The following DMXL2 variants were observed in gnomAD, a reference collection of about 807,000 sequenced individuals.
DMXL2 encodes the protein Dmx like 2, also known as dmX-like protein 2.
A neutral mutation model predicts 331.1 loss-of-function variants in DMXL2; 103 were observed. The ratio of observed to expected loss-of-function variants is 0.31; its 90% CI spans 0.27 to 0.37. DMXL2 has a LOEUF of 0.37. Among genes scored for constraint, DMXL2 ranks in the 10% least tolerant of loss-of-function variants. The probability of loss-of-function intolerance (pLI) is 1.00; values close to 1 mark genes in which losing one functional copy is unlikely to be tolerated. For synonymous variants in DMXL2, 1,281 were observed against 1,252.1 expected (o/e 1.02, Z -0.49); for missense variants, 3,171 against 3,642.9 (o/e 0.87, Z 3.33).
At chr15:51,459,711 T>A (rs1039858379) in intron 33 of DMXL2, 51 bp from the exon 34 acceptor site, 20 of 1,284,802 alleles carry the variant, frequency 1.6e-5, no homozygotes, top group Non-Finnish European at 2.0e-5. Flanking sequence ...TGGAATGAAA[T>A]TATAAAGACA....
chr15:51,561,362 G>A (rs1318187564), intron 6 of DMXL2, among the ~76,000 whole-genome samples: 1 of 152,190 alleles, frequency 6.6e-6, no homozygotes, highest in Non-Finnish European at 1.5e-5. Context: ...TTCAGGTGTA[G>A]TCAGTGTCAG....
At chr15:51,601,404 T>C (rs1359028648) in intron 1 of DMXL2, among the ~76,000 whole-genome samples, 1 of 152,146 alleles carries the variant, frequency 6.6e-6, no homozygotes, top group Non-Finnish European at 1.5e-5. Flanking sequence ...ATATGTATTG[T>C]TCTGTCTTGC....
In DMXL2 at chr15:51,480,087, G is replaced by C; in HGVS notation, c.6617C>G (p.Pro2206Arg). 6.3e-7 allele frequency: 1 copy of C among 1,597,870 alleles called. No homozygotes were observed. The highest frequency in any genetic ancestry group is 8.6e-7 in the Non-Finnish European group (1 of 1,167,618). ...QSPLPLPTTL[P>R]LLSASIASTK... ...TGACGCAATACTTGCTGAAAGCAGAGGTAGGGTGGTAGGCAGTGGTAGTGG... is the reference window on the plus strand; with the variant it reads ...TGACGCAATACTTGCTGAAAGCAGACGTAGGGTGGTAGGCAGTGGTAGTGG... Residue 2206 changes from proline to arginine, a missense_variant, in exon 25 of 44, where the codon CCT becomes CGT. Pro to Arg is a moderately radical substitution (Grantham distance 103, BLOSUM62 -2). Around this residue, in one of 7 missense-constraint regions of DMXL2, gnomAD observed 197 missense variants for 196.2 expected, o/e 1.00. Transcript: ENST00000560891.
At chr15:51,456,237 T>C (rs1468589211) in intron 38 of DMXL2, 44 bp from the exon 39 acceptor site, 1 of 1,602,200 alleles carries the variant, frequency 6.2e-7, no homozygotes, top group Non-Finnish European at 8.5e-7. Flanking sequence ...ATTAAAGAGT[T>C]CCAATATTTT....
At chr15:51,501,100 C>A (rs866894890) in intron 17 of DMXL2, among the ~76,000 whole-genome samples, 1 of 152,230 alleles carries the variant, frequency 6.6e-6, no homozygotes, top group African/African-American at 2.4e-5. Flanking sequence ...TAACCCAAAC[C>A]TTTCAAATAT....
chr15:51,515,335 G>A (rs903249796), intron 14 of DMXL2, among the ~76,000 whole-genome samples: 4 of 152,034 alleles, frequency 2.6e-5, no homozygotes, highest in Admixed American at 6.6e-5. Context: ...TCAAGAAAAG[G>A]AAGCAGCTAT....
intron 16 of DMXL2, among the ~76,000 whole-genome samples, chr15:51,506,720 T>C (rs2046424877): frequency 6.6e-6 from 1 of 152,224 alleles, no homozygotes; most frequent in African/African-American, 2.4e-5. Flanking sequence ...CCCAGAGTGC[T>C]GGGATTACAG....
intron 16 of DMXL2, among the ~76,000 whole-genome samples, chr15:51,503,427 AGTT>A (rs902230378): frequency 2.6e-5 from 4 of 152,230 alleles, no homozygotes; most frequent in African/African-American, 9.6e-5. Context: ...GCAGCAACAC[AGTT>A]GGAAATTGCA....
chr15:51,620,206 A>G (rs2054540211), intron 1 of DMXL2, among the ~76,000 whole-genome samples: 1 of 152,174 alleles, frequency 6.6e-6, no homozygotes, highest in Non-Finnish European at 1.5e-5. Flanking sequence ...TTTTTCACAA[A>G]GCCCAAGAGA....
intron 9 of DMXL2, among the ~76,000 whole-genome samples, chr15:51,539,895 A>C (rs1187372652): frequency 6.6e-6 from 1 of 152,254 alleles, no homozygotes; most frequent in African/African-American, 2.4e-5. Context: ...AAAAGAAGTG[A>C]AAATCTAAAG....
chr15:51,448,823 C>CA lies in DMXL2; in HGVS notation c.*160dup. 1 of 699,446 alleles carries CA rather than the reference C, an allele frequency of 1.4e-6. No individual in the cohort carries two copies. The highest frequency in any genetic ancestry group is 2.4e-6 in the Non-Finnish European group (1 of 423,412). The allele number at this position is 699,446 out of a possible 1,614,324, so 43.3% of individuals were successfully genotyped here. A position where few individuals can be genotyped will look rare whatever the true frequency, so the allele number is the denominator to read the frequency against. ...CAGCATAATAAGGTACATGCGCATT[C>CA]ATTCCACCAACCTGTTTAGATAATA... On this transcript the variant is annotated 3_prime_UTR_variant, in exon 44 of 44. Coordinates refer to ENST00000560891, the MANE Select transcript of DMXL2 (RefSeq NM_001378457.1).
In DMXL2 at chr15:51,449,094, C is replaced by T. The variant is rs1486648285; in HGVS notation, c.9067G>A (p.Asp3023Asn). The part of the protein sequence containing the change: ...RNIGAGVMQI[D>N]IIQGNRLFSC... ...AAGAGCCGATTGCCCTGGATGATGT[C>T]AATCTGCATGACTCCAGCCCCAATG... The change falls in exon 44 of 44, where the codon GAC becomes AAC. Residue 3023 changes from aspartate to asparagine, a missense_variant. Transcript: ENST00000560891. 2 of 1,614,102 alleles carry T rather than the reference C, an allele frequency of 1.2e-6. No homozygotes were observed. Among genetic ancestry groups the T allele is most frequent in the Non-Finnish European group, 1.7e-6 (2 of 1,180,038 alleles).
chr15:51,465,485 CT>C, intron 31 of DMXL2, 80 bp downstream of exon 31: 2 of 1,001,416 alleles, frequency 2.0e-6, no homozygotes, highest in Non-Finnish European at 3.1e-6. Context: ...ACCAAATGAC[CT>C]TATATATAGA....
chr15:51,586,169 G>A (rs955686457), intron 1 of DMXL2, among the ~76,000 whole-genome samples: 1 of 152,110 alleles, frequency 6.6e-6, no homozygotes, highest in Admixed American at 6.6e-5. Flanking sequence ...CAGCAAAAAA[G>A]TTTAACCTAA....
chr15:51,488,304 T>C (rs2042546540), intron 21 of DMXL2, among the ~76,000 whole-genome samples, 185 bp from the exon 22 acceptor site: 1 of 152,224 alleles, frequency 6.6e-6, no homozygotes, highest in Non-Finnish European at 1.5e-5. Context: ...ATGCCTTATG[T>C]ATACATAAAT....
intron 1 of DMXL2, among the ~76,000 whole-genome samples, chr15:51,594,278 T>A (rs1216330961): frequency 6.6e-6 from 1 of 152,178 alleles, no homozygotes; most frequent in Non-Finnish European, 1.5e-5. Context: ...CAGAGAATAC[T>A]ATAAACACCT....
At position 51,496,294 on chromosome 15, in the gene DMXL2, G is replaced by A. The variant is rs181499457; in HGVS notation, c.4673-1160C>T. On this transcript the variant is annotated intron_variant, in intron 18 of 43. Coordinates refer to ENST00000560891, the MANE Select transcript of DMXL2 (RefSeq NM_001378457.1). ...GACAAACAATAAACAAATAATATGT[G>A]GAAATTAATGCTATGAAGGGAAATA... Among the ~76,000 whole-genome samples, 29 of 152,210 alleles carry A rather than the reference G, an allele frequency of 1.9e-4. 1 individual carries two copies. Among genetic ancestry groups the A allele is most frequent in the Admixed American group, 1.8e-3 (28 of 15,286 alleles).
intron 33 of DMXL2, chr15:51,459,866 T>C: frequency 1.7e-6 from 2 of 1,149,226 alleles, no homozygotes; most frequent in Non-Finnish European, 2.2e-6. Flanking sequence ...AATGTGACTA[T>C]TACATAAACA....
intron 6 of DMXL2, among the ~76,000 whole-genome samples, chr15:51,554,911 A>G (rs2049456896): frequency 6.6e-6 from 1 of 152,208 alleles, no homozygotes; most frequent in South Asian, 2.1e-4. Flanking sequence ...TAATCCCAGC[A>G]CTTTGGGAGA....
Sources: gnomAD v4.1 joint callset for allele counts (sites outside exome capture counted in the v4.1 genomes callset) on GRCh38, gnomAD v4.1.1 for gene constraint, gnomAD v4.1.1 regional missense constraint, MANE v1.5 for transcripts, NCBI Gene and HGNC (gene_info 2026-07-23, HGNC 2026-07-21) for gene names.